CDH9: variants seen among roughly 807,000 people sequenced by gnomAD.
CDH9 encodes the protein cadherin 9.
In CDH9, 28 loss-of-function variants were observed where a neutral mutation model predicts 70.9. The ratio of observed to expected loss-of-function variants is 0.40; its 90% confidence interval spans 0.29 to 0.54. The LOEUF is 0.54. Among genes scored for constraint, CDH9 ranks in the 20% least tolerant of loss-of-function variants. The pLI is 0.59. For synonymous variants in CDH9, 409 were observed against 343.1 expected, an observed-to-expected ratio of 1.19 and a Z score of -2.12; for missense variants, 874 against 984.4, an observed-to-expected ratio of 0.89 and a Z score of 1.50.
intron 1 of CDH9, among the ~76,000 whole-genome samples, chr5:27,033,511 T>C (rs889214712): frequency 6.6e-6 from 1 of 151,492 alleles, no homozygotes; most frequent in Admixed American, 6.6e-5. Context: ...CAGATAGATG[T>C]CACTTTGTAA....
chr5:26,896,573 A>T, intron 7 of CDH9, among the ~76,000 whole-genome samples: 1 of 145,286 alleles, frequency 6.9e-6, no homozygotes, highest in Non-Finnish European at 1.5e-5. Flanking sequence ...ATTTCATTAT[A>T]CAACAGAATG....
At chr5:26,974,678 T>C (rs1299970426) in intron 2 of CDH9, among the ~76,000 whole-genome samples, 3 of 152,172 alleles carry the variant, frequency 2.0e-5, no homozygotes, top group Non-Finnish European at 4.4e-5. Context: ...TTTCAAGATT[T>C]ATTGAGGTAT....
chr5:26,957,050 C>T (rs189597465), intron 2 of CDH9, among the ~76,000 whole-genome samples: 186 of 148,026 alleles, frequency 1.3e-3, no homozygotes, highest in South Asian at 6.4e-3. Flanking sequence ...CTTTGATACC[C>T]TGAGTATTTA....
rs773374685 is a variant in CDH9, at chr5:26,906,793, T to C, written c.569A>G (p.Asn190Ser). 40 of 1,613,196 alleles carry C rather than the reference T, an allele frequency of 2.5e-5. No individual in the cohort carries two copies. The highest frequency in any genetic ancestry group is 3.1e-5 in the Non-Finnish European group (37 of 1,179,554). Reference sequence around the variant, plus strand: ...GACCACTTTGGCACTATTTCCATAGTTGGCGTCATCTGCATCTGTTGCAGT... The same window carrying C: ...GACCACTTTGGCACTATTTCCATAGCTGGCGTCATCTGCATCTGTTGCAGT... ...QVTATDADDANYGNSAKVVYS... is the reference protein window; with the variant it reads ...QVTATDADDASYGNSAKVVYS... The change falls in exon 4 of 12, where the codon AAC becomes AGC. Residue 190 changes from asparagine (N) to serine (S), a missense_variant. Asn to Ser is a conservative substitution (Grantham distance 46). Coordinates refer to ENST00000231021, the MANE Select transcript of CDH9 (RefSeq NM_016279.4).
At chr5:27,003,324 A>G (rs1742804055) in intron 1 of CDH9, among the ~76,000 whole-genome samples, 1 of 152,158 alleles carries the variant, frequency 6.6e-6, no homozygotes, top group Non-Finnish European at 1.5e-5. Flanking sequence ...TTAAAAATGA[A>G]TTCTAAATAA....
At position 26,881,610 on chromosome 5, in the gene CDH9, C is replaced by T; in HGVS notation, c.1896G>A (p.Leu632=). The T allele has an allele frequency of 6.2e-7, 1 of 1,607,746 alleles. No individual in the cohort carries two copies. Among genetic ancestry groups the T allele is most frequent in the East Asian group, 2.2e-5 (1 of 44,836 alleles). ...CVLILLILVV[L]FAALKRQRKK... ...TTCTTTGCCTCTTCAATGCAGCAAA[C>T]AACACGACTAAAACTATTAATAAGA... The change falls in exon 12 of 12, where the codon TTG becomes TTA. Residue 632 remains leucine, a synonymous_variant. Coordinates refer to ENST00000231021, the MANE Select transcript of CDH9 (RefSeq NM_016279.4).
At chr5:26,951,474 C>T (rs1219691143) in intron 2 of CDH9, among the ~76,000 whole-genome samples, 1 of 151,894 alleles carries the variant, frequency 6.6e-6, no homozygotes, top group Non-Finnish European at 1.5e-5. Context: ...AATCAAGAAT[C>T]TGTGATTAAT....
At chr5:27,017,370 A>T (rs987338157) in intron 1 of CDH9, among the ~76,000 whole-genome samples, 12 of 151,876 alleles carry the variant, frequency 7.9e-5, no homozygotes, top group Non-Finnish European at 1.6e-4. Flanking sequence ...CACTCAAGGG[A>T]ATTTTTAAAA....
chr5:26,903,044 G>T, intron 6 of CDH9: 1 of 218,116 alleles, frequency 4.6e-6, no homozygotes, highest in Non-Finnish European at 9.0e-6. Flanking sequence ...CATTATTAAA[G>T]TTATGCAGTT....
chr5:26,936,305 G>A (rs544958075), intron 2 of CDH9, among the ~76,000 whole-genome samples: 4 of 151,910 alleles, frequency 2.6e-5, no homozygotes, highest in African/African-American at 9.7e-5. Context: ...ACTTGAGATT[G>A]TAATTAAAAA....
intron 2 of CDH9, among the ~76,000 whole-genome samples, chr5:26,947,640 G>C (rs757711647): frequency 2.6e-5 from 4 of 152,136 alleles, no homozygotes; most frequent in Non-Finnish European, 4.4e-5. Context: ...TATGGGTAAT[G>C]ACAAATAAGC....
intron 7 of CDH9, among the ~76,000 whole-genome samples, chr5:26,899,131 C>T (rs1219833369): frequency 6.6e-6 from 1 of 152,034 alleles, no homozygotes; most frequent in East Asian, 1.9e-4. Flanking sequence ...ACACCATCTC[C>T]ATCAATTAGA....
chr5:26,923,452 A>G (rs909855593), intron 2 of CDH9, among the ~76,000 whole-genome samples: 1 of 152,038 alleles, frequency 6.6e-6, no homozygotes, highest in Non-Finnish European at 1.5e-5. Context: ...AAAGGGAAAA[A>G]CAGATCTTAA....
chr5:27,013,309 C>G (rs7708698), intron 1 of CDH9, among the ~76,000 whole-genome samples: 1 of 151,890 alleles, frequency 6.6e-6, no homozygotes, highest in Non-Finnish European at 1.5e-5. Context: ...TCTCCTTGCA[C>G]CCAGTCAGTG....
chr5:26,952,418 TC>T (rs1193420643), intron 2 of CDH9, among the ~76,000 whole-genome samples: 3 of 114,156 alleles, frequency 2.6e-5, no homozygotes, highest in African/African-American at 1.0e-4. Context: ...ATCGAGACCA[TC>T]CTGGCTAACA....
At chr5:27,010,516 G>A (rs1011412089) in intron 1 of CDH9, among the ~76,000 whole-genome samples, 20 of 152,014 alleles carry the variant, frequency 1.3e-4, no homozygotes, top group African/African-American at 4.6e-4. Context: ...CTTTCTTACA[G>A]TACTTTGAAA....
At chr5:26,911,383 C>T (rs1741050769) in intron 3 of CDH9, among the ~76,000 whole-genome samples, 2 of 152,226 alleles carry the variant, frequency 1.3e-5, no homozygotes, top group East Asian at 1.9e-4. Context: ...CAATTGGATA[C>T]ATTATTGAAT....
chr5:26,929,994 T>C (rs1222006322), intron 2 of CDH9, among the ~76,000 whole-genome samples: 4 of 151,916 alleles, frequency 2.6e-5, no homozygotes, highest in Non-Finnish European at 5.9e-5. Flanking sequence ...AAGAGTATAA[T>C]TGGATTGTTT....
At chr5:26,999,882 A>G (rs1742734133) in intron 1 of CDH9, among the ~76,000 whole-genome samples, 1 of 152,130 alleles carries the variant, frequency 6.6e-6, no homozygotes, top group African/African-American at 2.4e-5. Context: ...AATATTACAA[A>G]ATTTCTCGAA....
Sources: gnomAD v4.1 joint callset for allele counts (sites outside exome capture counted in the v4.1 genomes callset) on GRCh38, gnomAD v4.1.1 for gene constraint, MANE v1.5 for transcripts, NCBI Gene and HGNC (gene_info 2026-07-23, HGNC 2026-07-21) for gene names.